Variants in CPNE7 observed in about 807,000 individuals in gnomAD.
The protein encoded by CPNE7 is copine 7.
A neutral mutation model predicts 66.5 loss-of-function variants in CPNE7; 78 were observed. That is an observed-to-expected ratio of 1.17 (90% confidence interval 0.98 to 1.42). The LOEUF is 1.42. Ranked by LOEUF, CPNE7 falls within the 40% of genes most tolerant of loss-of-function variation. The pLI is 0.00. For missense variants in CPNE7, 1,012 were observed against 776.6 expected (o/e 1.30, Z -3.60); for synonymous variants, 468 against 336.7 (o/e 1.39, Z -4.27).
At position 89,595,609 on chromosome 16, in the gene CPNE7, T is replaced by G; in HGVS notation, c.1539+6T>G. ...CCTTCCGGGAGCTCAAGAACGTGAG[T>G]GTCCTGGAGGGGCTCCGTCAAGGCC... is the stretch of plus-strand genomic sequence containing the variant. On this transcript the variant is annotated splice_donor_region_variant and intron_variant, in intron 14 of 14. Coordinates refer to ENST00000319518, the MANE Select transcript of CPNE7 (RefSeq NM_153636.3). 6.3e-7 allele frequency: 1 copy of G among 1,595,478 alleles called. No individual in the cohort carries two copies. The highest frequency in any genetic ancestry group is 8.6e-7 in the Non-Finnish European group (1 of 1,166,994).
chr16:89,578,685 G>A (rs1297210206), intron 2 of CPNE7, among the ~76,000 whole-genome samples: 5 of 150,666 alleles, frequency 3.3e-5, no homozygotes, highest in African/African-American at 9.8e-5. Context: ...GGTTGAACCC[G>A]GGAGGCAGAG....
intron 2 of CPNE7, among the ~76,000 whole-genome samples, chr16:89,581,714 A>G (rs566954670): frequency 1.8e-4 from 28 of 152,142 alleles, no homozygotes; most frequent in Non-Finnish European, 3.7e-4. Context: ...GGACAGTCAC[A>G]GCTCACTGCA....
chr16:89,576,497 G>T (rs1441651932), intron 1 of CPNE7, among the ~76,000 whole-genome samples: 1 of 152,096 alleles, frequency 6.6e-6, no homozygotes, highest in Admixed American at 6.5e-5. Context: ...GGGAGCGCGC[G>T]CTGGGGTGCG....
chr16:89,584,461 G>C lies in CPNE7; in HGVS notation c.508-313G>C, dbSNP rs1055254605. Reference sequence around the variant, plus strand: ...CTCGTCACGTGGGTGGGCAGAACAGGGTCCAACCCCGCCATGTAGGGCGTC... The same window carrying C: ...CTCGTCACGTGGGTGGGCAGAACAGCGTCCAACCCCGCCATGTAGGGCGTC... On this transcript the variant is annotated intron_variant, in intron 4 of 14. Transcript: ENST00000319518. This position sits in a 1 kb window ranked among gnomAD's most constrained non-coding sequence, Gnocchi z 6.0. Among the ~76,000 whole-genome samples the C allele has an allele frequency of 6.6e-6, 1 of 152,232 alleles. No homozygotes were observed. Among genetic ancestry groups the C allele is most frequent in the African/African-American group, 2.4e-5 (1 of 41,460 alleles).
At chr16:89,581,752 C>T (rs914215892) in intron 2 of CPNE7, among the ~76,000 whole-genome samples, 1 of 152,178 alleles carries the variant, frequency 6.6e-6, no homozygotes, top group African/African-American at 2.4e-5. Context: ...TCAAGCAATC[C>T]TCTCACCTCA....
chr16:89,596,904 C>T lies in CPNE7; in HGVS notation c.*283C>T, dbSNP rs1242124460. 1 of 345,898 alleles carries T rather than the reference C, an allele frequency of 2.9e-6. No individual in the cohort carries two copies. The highest frequency in any genetic ancestry group is 2.1e-5 in the African/African-American group (1 of 47,080). 21.4% of individuals were successfully genotyped at this position (345,898 alleles called of 1,614,324 possible). On this transcript the variant is annotated 3_prime_UTR_variant, in exon 15 of 15. Coordinates refer to ENST00000319518, the MANE Select transcript of CPNE7 (RefSeq NM_153636.3). ...GACTTGGAGGGAGCTGGGAGTTCAT[C>T]CACGGGAGACCCTGCCCCGATGAGA...
At chr16:89,592,489 C>G (rs1283350931) in intron 13 of CPNE7, among the ~76,000 whole-genome samples, 2 of 149,820 alleles carry the variant, frequency 1.3e-5, no homozygotes, top group African/African-American at 5.0e-5. Context: ...GCTCTGTCAC[C>G]CAAGCTGTAG....
At chr16:89,595,276 G>C (rs2059235323) in intron 13 of CPNE7, 91 bp from the exon 14 acceptor site, 6 of 1,029,946 alleles carry the variant, frequency 5.8e-6, no homozygotes, top group Non-Finnish European at 8.6e-6. Flanking sequence ...ACGCACGGAG[G>C]CACTCTGGGC....
chr16:89,595,869 G>A (rs1264550742), intron 14 of CPNE7: 2 of 620,236 alleles, frequency 3.2e-6, no homozygotes, highest in Admixed American at 4.2e-5. Flanking sequence ...TCCACCACGC[G>A]GCTTCCCCCG....
At chr16:89,580,978 A>T (rs352937) in intron 2 of CPNE7, among the ~76,000 whole-genome samples, 1 of 143,526 alleles carries the variant, frequency 7.0e-6, no homozygotes, top group Non-Finnish European at 1.5e-5. Context: ...CATCTCACCC[A>T]TCACACGGAA....
At chr16:89,588,934 C>A in intron 10 of CPNE7, 126 bp downstream of exon 10, 1 of 1,143,660 alleles carries the variant, frequency 8.7e-7, no homozygotes, top group Non-Finnish European at 1.2e-6. Flanking sequence ...GGCCGGTTTT[C>A]CCTCACCCCC....
chr16:89,580,750 A>T (rs528227847), intron 2 of CPNE7, among the ~76,000 whole-genome samples: 85 of 144,986 alleles, frequency 5.9e-4, no homozygotes, highest in Admixed American at 1.0e-3. Context: ...CACCCATCAC[A>T]CGGAACATCC....
Position 89,584,207 on chromosome 16 carries a change from G to A in CPNE7, c.507+105G>A. 1 of 1,180,318 alleles carries A rather than the reference G, an allele frequency of 8.5e-7. No homozygotes were observed. The highest frequency in any genetic ancestry group is 1.5e-5 in the African/African-American group (1 of 65,346). The allele number at this position is 1,180,318 out of a possible 1,614,324, so 73.1% of individuals were successfully genotyped here. A position where few individuals can be genotyped will look rare whatever the true frequency, so the allele number is the denominator to read the frequency against. On this transcript the variant is annotated intron_variant, in intron 4 of 14. Transcript: ENST00000319518. This position sits in a 1 kb window ranked among gnomAD's most constrained non-coding sequence, Gnocchi z 6.0. ...GACCTCGCGTGGCTATGTCCCGTGT[G>A]AGACGTGTGCGGAGTGTGCCTGGGG...
At position 89,590,998 on chromosome 16, in the gene CPNE7, C is replaced by G. The variant is rs201721640; in HGVS notation, c.1117-9C>G. On this transcript the variant is annotated splice_polypyrimidine_tract_variant and intron_variant, in intron 11 of 14. Coordinates refer to ENST00000319518, the MANE Select transcript of CPNE7 (RefSeq NM_153636.3). ...GAGCAGCTGACTGAGCCCTCTTGTT[C>G]CCACCCAGGTGTCCCATGACTTTGC... 188 of 1,613,586 alleles carry G rather than the reference C, an allele frequency of 1.2e-4. 1 individual carries two copies. The African/African-American group carries it at 2.3e-3, about 20-fold the overall frequency.
rs1269739472 is a variant in CPNE7 at position 89,586,745 on chromosome 16, G to T, written c.856G>T (p.Ala286Ser). 2 of 1,612,734 alleles carry T rather than the reference G, an allele frequency of 1.2e-6. No individual in the cohort carries two copies. The highest frequency in any genetic ancestry group is 3.3e-5 in the Admixed American group (2 of 59,952). Reference protein sequence around the residue: ...SYKNSGVVVLADLKFHRVYSF... With the variant: ...SYKNSGVVVLSDLKFHRVYSF... ...TAAGAACTCAGGAGTGGTCGTCCTG[G>T]CTGACCTCAAGGTGAGAGGTGGCTG... The change falls in exon 8 of 15, where the codon GCT becomes TCT. Residue 286 changes from alanine to serine, a missense_variant. By Grantham distance (99) the Ala-to-Ser change is moderately conservative. Coordinates refer to ENST00000319518, the MANE Select transcript of CPNE7 (RefSeq NM_153636.3).
chr16:89,587,157 C>CCCCTCAGTCCGTGGCCCCGCCCCATG (rs1285948422), intron 9 of CPNE7, 55 bp downstream of exon 9: 1 of 514,586 alleles, frequency 1.9e-6, no homozygotes, highest in Non-Finnish European at 2.7e-6. Flanking sequence ...CCCGCCCCGC[C>CCCCTCAGTCCGTGGCCCCGCCCCATG]CCGCCCCCTC....
At chr16:89,577,495 G>A (rs1163644895) in intron 1 of CPNE7, 44 bp from the exon 2 acceptor site, 26 of 1,543,130 alleles carry the variant, frequency 1.7e-5, no homozygotes, top group Non-Finnish European at 2.3e-5. Flanking sequence ...GGAGCCCGGG[G>A]TGGAAGCCTC....
chr16:89,587,713 ATAGCACCCCCG>A lies in CPNE7; in HGVS notation c.927+613_927+623del, dbSNP rs1318019423. The A allele has an allele frequency of 7.5e-4, 182 of 242,462 alleles. 12 individuals are homozygous for A. The highest frequency in any genetic ancestry group is 2.8e-3 in the Middle Eastern group (2 of 710). 15.0% of individuals were successfully genotyped at this position (242,462 alleles called of 1,614,324 possible). On this transcript the variant is annotated intron_variant, in intron 9 of 14. Coordinates refer to ENST00000319518, the MANE Select transcript of CPNE7 (RefSeq NM_153636.3). Reference sequence around the variant, plus strand: ...GATACGCACACCCCGTGTCACCCCCATAGCACCCCCGTGTCACCCACAGATACACGGCCCCC... The same window carrying A: ...GATACGCACACCCCGTGTCACCCCCATGTCACCCACAGATACACGGCCCCC...
rs1461706225 is a variant in CPNE7, at chr16:89,580,364, A to G, written c.357+2643A>G. 2.1e-5 allele frequency among the ~76,000 whole-genome samples: 3 copies of G among 145,104 alleles called. No homozygotes were observed. In the East Asian group the frequency reaches 6.4e-4, roughly 31 times the overall value. ...GAACATCCCATCACCCGTCACACGG[A>G]ACATCCCATCACCCGTCACATGGAA... On this transcript the variant is annotated intron_variant, in intron 2 of 14. Transcript: ENST00000319518.
Sources: gnomAD v4.1 joint callset for allele counts (sites outside exome capture counted in the v4.1 genomes callset) on GRCh38, gnomAD v4.1.1 for gene constraint, Gnocchi (gnomAD v3.1) non-coding constraint, MANE v1.5 for transcripts, NCBI Gene and HGNC (gene_info 2026-07-23, HGNC 2026-07-21) for gene names.